ST7L: variants seen among roughly 807,000 people sequenced by gnomAD.
ST7L encodes the protein suppression of tumorigenicity 7 like.
A neutral mutation model predicts 72.5 loss-of-function variants in ST7L; 57 were observed. That is an observed-to-expected ratio of 0.79 (90% CI 0.64 to 0.98). The LOEUF (loss-of-function observed/expected upper bound fraction) is 0.98. ST7L is among the 50% of genes least tolerant of loss of function. ST7L has a pLI of 0.00. For missense variants in ST7L, 576 were observed against 672.2 expected, an observed-to-expected ratio of 0.86 and a Z score of 1.58; for synonymous variants, 221 against 240.9, an observed-to-expected ratio of 0.92 and a Z score of 0.77.
At chr1:112,544,993 T>G (rs548265026) in intron 13 of ST7L, among the ~76,000 whole-genome samples, 132 of 152,252 alleles carry the variant, frequency 8.7e-4, no homozygotes, top group African/African-American at 3.0e-3. Context: ...GACGACTAAA[T>G]AGCTATGTGA....
intron 11 of ST7L, among the ~76,000 whole-genome samples, chr1:112,565,715 T>C (rs1285470917): frequency 3.3e-5 from 5 of 151,992 alleles, no homozygotes; most frequent in Non-Finnish European, 1.5e-5. Context: ...AAACAAACAC[T>C]GAACAACTCA....
At chr1:112,589,674 C>A (rs918961451) in intron 6 of ST7L, among the ~76,000 whole-genome samples, 1 of 152,198 alleles carries the variant, frequency 6.6e-6, no homozygotes, top group African/African-American at 2.4e-5. Flanking sequence ...TTTCCTTAAA[C>A]ACCTGGGAAC....
rs138132903 is a variant in ST7L, at chr1:112,574,967, G to A, written c.1245+2019C>T. On this transcript the variant is annotated intron_variant, in intron 11 of 14. Transcript: ENST00000358039. ...ATAAAAAGTTTACAAGGCTGGGCGCGGTGGCTTATGCCTGTAATCCCAGCA... is the reference window on the plus strand; with the variant it reads ...ATAAAAAGTTTACAAGGCTGGGCGCAGTGGCTTATGCCTGTAATCCCAGCA... Among the ~76,000 whole-genome samples, 278 of 152,014 alleles carry A rather than the reference G, an allele frequency of 1.8e-3. 2 individuals are homozygous for A. The highest frequency in any genetic ancestry group is 6.2e-3 in the African/African-American group (256 of 41,440).
intron 11 of ST7L, among the ~76,000 whole-genome samples, chr1:112,574,451 AG>A (rs551316882): frequency 9.5e-4 from 145 of 151,980 alleles, no homozygotes; most frequent in African/African-American, 3.2e-3. Context: ...CAAGGTCAGG[AG>A]ATCGAGACCA....
chr1:112,579,593 ATTATT>A (rs1481263301), intron 9 of ST7L, among the ~76,000 whole-genome samples: 1 of 152,038 alleles, frequency 6.6e-6, no homozygotes, highest in Non-Finnish European at 1.5e-5. Flanking sequence ...TTTTTCTTAA[ATTATT>A]ATTTTTTAGA....
rs1004872913 is a variant in ST7L, at chr1:112,524,434, C to T, written c.*1579G>A. 2.6e-5 allele frequency: 4 copies of T among 152,800 alleles called. No homozygotes were observed. Among genetic ancestry groups the T allele is most frequent in the African/African-American group, 7.2e-5 (3 of 41,438 alleles). 9.5% of individuals were successfully genotyped at this position (152,800 alleles called of 1,614,324 possible). ...GCACCAGAGAACAATGTGATGCATT[C>T]CTGGGCAGGTCGGTGGGACCCTGGG... On this transcript the variant is annotated 3_prime_UTR_variant, in exon 15 of 15. Transcript: ENST00000358039.
At chr1:112,595,097 C>T (rs893393360) in intron 5 of ST7L, among the ~76,000 whole-genome samples, 3 of 151,930 alleles carry the variant, frequency 2.0e-5, no homozygotes, top group African/African-American at 4.8e-5. Context: ...TGGGCGTGGT[C>T]GCTCACGCCT....
At chr1:112,546,090 A>G (rs1367087070) in intron 13 of ST7L, among the ~76,000 whole-genome samples, 1 of 152,000 alleles carries the variant, frequency 6.6e-6, no homozygotes, top group Non-Finnish European at 1.5e-5. Context: ...CTGTTGAGGC[A>G]GGCAGATCAC....
intron 5 of ST7L, among the ~76,000 whole-genome samples, chr1:112,593,060 C>T (rs1363953410): frequency 6.6e-6 from 1 of 152,092 alleles, no homozygotes; most frequent in African/African-American, 2.4e-5. Context: ...TAATTTAACA[C>T]CTTAACACAG....
chr1:112,566,294 CTTCTTTTT>C (rs1396899208), intron 11 of ST7L, among the ~76,000 whole-genome samples: 2 of 108,976 alleles, frequency 1.8e-5, no homozygotes, highest in East Asian at 2.9e-4. Flanking sequence ...TTTTCTTCTT[CTTCTTTTT>C]TTTTTTTTTT....
intron 11 of ST7L, among the ~76,000 whole-genome samples, chr1:112,557,898 T>C: frequency 6.6e-6 from 1 of 152,232 alleles, no homozygotes; most frequent in East Asian, 1.9e-4. Context: ...CTAAATTTTA[T>C]CTTAAACTCC....
At chr1:112,605,409 G>A (rs1436643497) in intron 3 of ST7L, among the ~76,000 whole-genome samples, 1 of 148,264 alleles carries the variant, frequency 6.7e-6, no homozygotes. Context: ...AACAAAAAGA[G>A]GCCAAGTGTG....
intron 11 of ST7L, among the ~76,000 whole-genome samples, chr1:112,570,570 T>TATATATATATATATATAC (rs1183877129): frequency 1.3e-4 from 19 of 143,408 alleles, no homozygotes; most frequent in African/African-American, 4.7e-4. Context: ...TATATATATA[T>TATATATATATATATATAC]ACACACACAC....
intron 11 of ST7L, among the ~76,000 whole-genome samples, chr1:112,560,049 T>C (rs1659849318): frequency 6.6e-6 from 1 of 152,202 alleles, no homozygotes; most frequent in African/African-American, 2.4e-5. Flanking sequence ...TCGATTATTA[T>C]TGGTGGTCCT....
chr1:112,543,601 G>T (rs781127579), intron 13 of ST7L, among the ~76,000 whole-genome samples: 1 of 152,014 alleles, frequency 6.6e-6, no homozygotes, highest in Non-Finnish European at 1.5e-5. Flanking sequence ...AGGTGTGGTT[G>T]CTCATGTCTG....
At chr1:112,526,986 G>A (rs1046845913) in intron 14 of ST7L, 1 of 152,172 alleles carries the variant, frequency 6.6e-6, no homozygotes, top group Non-Finnish European at 1.5e-5. Context: ...ATGAGATGAG[G>A]CAGACAGCAG....
chr1:112,600,995 A>G (rs1667303062), intron 3 of ST7L, 147 bp from the exon 4 acceptor site: 1 of 667,882 alleles, frequency 1.5e-6, no homozygotes, highest in South Asian at 2.1e-5. Flanking sequence ...AAAAAACAGA[A>G]TTAAATCTAG....
intron 2 of ST7L, among the ~76,000 whole-genome samples, chr1:112,612,497 C>T (rs1031222959): frequency 2.0e-5 from 3 of 151,982 alleles, no homozygotes; most frequent in African/African-American, 7.2e-5. Context: ...TATTTTTTTG[C>T]TTCAGTAAAT....
chr1:112,566,857 C>G (rs1384955032), intron 11 of ST7L, among the ~76,000 whole-genome samples: 3 of 151,968 alleles, frequency 2.0e-5, no homozygotes, highest in Non-Finnish European at 2.9e-5. Context: ...ATCTATTTAC[C>G]TATTGAAGGA....
Sources: gnomAD v4.1 joint callset for allele counts (sites outside exome capture counted in the v4.1 genomes callset) on GRCh38, gnomAD v4.1.1 for gene constraint, MANE v1.5 for transcripts, NCBI Gene and HGNC (gene_info 2026-07-23, HGNC 2026-07-21) for gene names.